ARHGEF26: variants seen among roughly 807,000 people sequenced by gnomAD.
The protein encoded by ARHGEF26 is Rho guanine nucleotide exchange factor (GEF) 26.
Under a neutral mutation model 89.4 loss-of-function variants are expected in ARHGEF26, and 59 were observed. The ratio of observed to expected loss-of-function variants is 0.66; its 90% CI spans 0.54 to 0.82. ARHGEF26 has a LOEUF of 0.82. ARHGEF26 is among the 40% of genes least tolerant of loss of function. ARHGEF26 has a pLI of 0.00. For missense variants in ARHGEF26, 1,234 were observed against 1,085.6 expected (o/e 1.14, Z -1.92); for synonymous variants, 500 against 428.4 (o/e 1.17, Z -2.06).
chr3:154,247,564 C>T (rs1056067462), intron 12 of ARHGEF26, among the ~76,000 whole-genome samples: 1 of 152,112 alleles, frequency 6.6e-6, no homozygotes, highest in Admixed American at 6.5e-5. Flanking sequence ...TTGTACATAG[C>T]GAGTAGGTTC....
chr3:154,228,362 C>A (rs1252081196), intron 11 of ARHGEF26, among the ~76,000 whole-genome samples: 1 of 151,830 alleles, frequency 6.6e-6, no homozygotes, highest in Non-Finnish European at 1.5e-5. Flanking sequence ...GTCTAGAACT[C>A]CTGACCTCAG....
At chr3:154,202,387 A>G (rs1349637244) in intron 9 of ARHGEF26, among the ~76,000 whole-genome samples, 1 of 152,188 alleles carries the variant, frequency 6.6e-6, no homozygotes, top group Non-Finnish European at 1.5e-5. Context: ...TACCAGTACC[A>G]TGCTGTTTTG....
intron 10 of ARHGEF26, among the ~76,000 whole-genome samples, chr3:154,218,390 A>G (rs1004701738): frequency 3.3e-5 from 5 of 152,206 alleles, no homozygotes; most frequent in African/African-American, 1.2e-4. Context: ...TCGTTAATGG[A>G]TAATTTTTTT....
Position 154,141,201 on chromosome 3 carries a change from G to A in ARHGEF26, c.1270-8188G>A, listed in dbSNP as rs564973929. Among the ~76,000 whole-genome samples the A allele has an allele frequency of 8.3e-4, 126 of 151,754 alleles. 1 individual carries two copies. Among genetic ancestry groups the A allele is most frequent in the Non-Finnish European group, 1.6e-3 (107 of 67,936 alleles). ...AGGATGGTCTCTATCTCCTGACCTC[G>A]TTTTCCGCCCGCCTCGGCCTCCCAA... On this transcript the variant is annotated intron_variant, in intron 4 of 14. Transcript: ENST00000465093.
At chr3:154,226,697 C>CACACACACACACACACACA (rs1559912631) in intron 11 of ARHGEF26, among the ~76,000 whole-genome samples, 25 of 119,886 alleles carry the variant, frequency 2.1e-4, no homozygotes, top group African/African-American at 6.8e-4. Flanking sequence ...ACACACACAC[C>CACACACACACACACACACA]CCTTCAGCTC....
intron 12 of ARHGEF26, among the ~76,000 whole-genome samples, chr3:154,241,604 C>T (rs1189746544): frequency 6.6e-6 from 1 of 152,214 alleles, no homozygotes; most frequent in East Asian, 1.9e-4. Flanking sequence ...GTCATCTTAA[C>T]AGGCGTAAGG....
chr3:154,151,375 CAGTT>C (rs988353755), intron 5 of ARHGEF26, among the ~76,000 whole-genome samples: 1 of 152,148 alleles, frequency 6.6e-6, no homozygotes, highest in Non-Finnish European at 1.5e-5. Flanking sequence ...TCACATTAAT[CAGTT>C]AGCATAGTAC....
rs980381123 is a variant in ARHGEF26, at chr3:154,156,030, CAT to C, written c.1487+3100_1487+3101del. Among the ~76,000 whole-genome samples, 4 of 151,856 alleles carry C rather than the reference CAT, an allele frequency of 2.6e-5. No individual in the cohort carries two copies. In the East Asian group the frequency reaches 7.7e-4, roughly 29 times the overall value. On this transcript the variant is annotated intron_variant, in intron 6 of 14. Coordinates refer to ENST00000465093, the MANE Select transcript of ARHGEF26 (RefSeq NM_015595.4). The stretch of plus-strand genomic sequence containing the variant: ...TTATTTGAAAGGTAATTTATCAAAA[CAT>C]AAAGGATAATTATCTTTAATGATAG...
chr3:154,192,350 A>G (rs1288260732), intron 8 of ARHGEF26, among the ~76,000 whole-genome samples: 2 of 152,232 alleles, frequency 1.3e-5, no homozygotes, highest in Non-Finnish European at 2.9e-5. Context: ...CCCATTGTAA[A>G]TTCTAAAATA....
intron 9 of ARHGEF26, among the ~76,000 whole-genome samples, chr3:154,208,062 G>C (rs1715140592): frequency 6.6e-6 from 1 of 152,118 alleles, no homozygotes; most frequent in African/African-American, 2.4e-5. Flanking sequence ...ATGGACACAA[G>C]GGGGAAACAA....
chr3:154,243,759 AT>A (rs1286835701), intron 12 of ARHGEF26, among the ~76,000 whole-genome samples: 1 of 105,184 alleles, frequency 9.5e-6, no homozygotes, highest in Non-Finnish European at 1.8e-5. Context: ...CCCACCCTCA[AT>A]TACAGTTGAG....
At chr3:154,188,223 A>C (rs142100153) in intron 7 of ARHGEF26, among the ~76,000 whole-genome samples, 1 of 152,326 alleles carries the variant, frequency 6.6e-6, no homozygotes, top group Non-Finnish European at 1.5e-5. Flanking sequence ...GCTAAGATTC[A>C]GAGTTTTCTC....
At chr3:154,156,202 C>G (rs893810926) in intron 6 of ARHGEF26, among the ~76,000 whole-genome samples, 1 of 151,912 alleles carries the variant, frequency 6.6e-6, no homozygotes, top group Non-Finnish European at 1.5e-5. Context: ...CAGGGGAGGT[C>G]ACTGGATATG....
chr3:154,250,349 C>T (rs1718059847), intron 12 of ARHGEF26, among the ~76,000 whole-genome samples: 1 of 151,932 alleles, frequency 6.6e-6, no homozygotes, highest in Admixed American at 6.6e-5. Context: ...CTTGAAAGCC[C>T]CAGGGGAAGT....
intron 3 of ARHGEF26, among the ~76,000 whole-genome samples, chr3:154,126,857 A>G (rs949323245): frequency 2.0e-5 from 3 of 152,180 alleles, no homozygotes; most frequent in African/African-American, 7.2e-5. Context: ...TTGTTGTGCA[A>G]ATATCACAGA....
chr3:154,169,588 G>A (rs777357505), intron 6 of ARHGEF26, among the ~76,000 whole-genome samples: 4 of 152,140 alleles, frequency 2.6e-5, no homozygotes, highest in Admixed American at 6.5e-5. Flanking sequence ...AGGCTGTGGT[G>A]TCTTACAGAG....
intron 9 of ARHGEF26, among the ~76,000 whole-genome samples, chr3:154,206,236 C>T (rs2108222499): frequency 6.6e-6 from 1 of 152,248 alleles, no homozygotes; most frequent in Admixed American, 6.5e-5. Flanking sequence ...GTAAGCTTTC[C>T]ACTGAAAAGT....
chr3:154,211,199 G>A (rs1475062368), intron 9 of ARHGEF26, among the ~76,000 whole-genome samples: 3 of 151,998 alleles, frequency 2.0e-5, no homozygotes, highest in Non-Finnish European at 2.9e-5. Flanking sequence ...TTGTCTCTGG[G>A]CCTAGTTCAG....
chr3:154,254,017 A>G (rs563990794), intron 13 of ARHGEF26, among the ~76,000 whole-genome samples: 19 of 152,176 alleles, frequency 1.2e-4, no homozygotes, highest in Non-Finnish European at 1.8e-4. Flanking sequence ...CTGGGTTCAT[A>G]CCATTCTCCT....
Sources: allele counts gnomAD v4.1 joint callset (sites outside exome capture counted in the v4.1 genomes callset), GRCh38; gene constraint gnomAD v4.1.1; transcripts MANE v1.5; gene names NCBI Gene and HGNC (gene_info 2026-07-23, HGNC 2026-07-21).